Variants in CENPF observed in about 807,000 individuals in gnomAD.
CENPF encodes AH antigen.
Under a neutral mutation model 307.3 loss-of-function variants are expected in CENPF, and 214 were observed. The observed-to-expected ratio is 0.70, with a 90% confidence interval of 0.62 to 0.78. The LOEUF (loss-of-function observed/expected upper bound fraction) is 0.78. Ranked by LOEUF, CENPF falls within the 30% of genes least tolerant of loss-of-function variation. The pLI, the probability that CENPF is intolerant of heterozygous loss-of-function variation, is 0.00. For missense variants in CENPF, 3,401 were observed against 3,483.9 expected, an observed-to-expected ratio of 0.98 and a Z score of 0.60; for synonymous variants, 1,259 against 1,270.6, an observed-to-expected ratio of 0.99 and a Z score of 0.19.
chr1:214,608,894 C>A (rs1222525441), intron 1 of CENPF: 5 of 1,398,404 alleles, frequency 3.6e-6, no homozygotes, highest in Non-Finnish European at 4.6e-6. Context: ...ACAACGCCGC[C>A]CGGCCTGGCC....
chr1:214,636,169 T>C (rs532393283), intron 10 of CENPF, among the ~76,000 whole-genome samples: 1 of 152,288 alleles, frequency 6.6e-6, no homozygotes, highest in Admixed American at 6.5e-5. Context: ...TAATGCTACA[T>C]TGCCCCTGTC....
At chr1:214,604,467 C>T (rs185911450) in intron 1 of CENPF, among the ~76,000 whole-genome samples, 1 of 152,176 alleles carries the variant, frequency 6.6e-6, no homozygotes, top group African/African-American at 2.4e-5. Context: ...AAAATCTGCT[C>T]TAATCACAGT....
At chr1:214,653,667 A>G (rs989817034) in intron 16 of CENPF, 2 of 153,088 alleles carry the variant, frequency 1.3e-5, no homozygotes, top group African/African-American at 4.8e-5. Flanking sequence ...TTAGAAGACG[A>G]TTATATTTTT....
At position 214,605,759 on chromosome 1, in the gene CENPF, C is replaced by T; in HGVS notation, c.-42+2438C>T. 4 of 1,594,196 alleles carry T rather than the reference C, an allele frequency of 2.5e-6. No homozygotes were observed. In the South Asian group the frequency reaches 4.4e-5, roughly 18 times the overall value. On this transcript the variant is annotated intron_variant, in intron 1 of 19. Transcript: ENST00000366955. ...GCTGTAGAGCTCGATGTCGTTGTGC[C>T]TGGTGCCCTCCACCCACAGCGGCTC...
chr1:214,623,744 C>T (rs979526266), intron 7 of CENPF, among the ~76,000 whole-genome samples: 2 of 152,008 alleles, frequency 1.3e-5, no homozygotes, highest in African/African-American at 4.8e-5. Flanking sequence ...AATCTCCAGA[C>T]CTGGGGCTGG....
chr1:214,635,728 A>G (rs1264710605), intron 10 of CENPF, among the ~76,000 whole-genome samples: 1 of 152,194 alleles, frequency 6.6e-6, no homozygotes, highest in Non-Finnish European at 1.5e-5. Flanking sequence ...AGACACAAAT[A>G]TTTACGGAGC....
chr1:214,647,341 A>G lies in CENPF; in HGVS notation c.7771A>G (p.Lys2591Glu), dbSNP rs775339410. ...DTLEVLQSSY[K>E]NLENELELTK... Reference sequence around the variant, plus strand: ...ATTAGAAGTGCTGCAGAGTTCTTACAAGAATCTAGAGAATGAGCTTGAATT... The same window carrying G: ...ATTAGAAGTGCTGCAGAGTTCTTACGAGAATCTAGAGAATGAGCTTGAATT... The change falls in exon 13 of 20, where the codon AAG becomes GAG. Residue 2591 changes from lysine to glutamate, a missense_variant. Coordinates refer to ENST00000366955, the MANE Select transcript of CENPF (RefSeq NM_016343.4). The G allele has an allele frequency of 1.2e-6, 2 of 1,613,524 alleles. No homozygotes were observed. The highest frequency in any genetic ancestry group is 1.3e-5 in the African/African-American group (1 of 75,032).
In CENPF at chr1:214,646,145, A is replaced by G. The variant is rs1658293241; in HGVS notation, c.6575A>G (p.Glu2192Gly). The G allele has an allele frequency of 6.2e-7, 1 of 1,614,026 alleles. No individual in the cohort carries two copies. The highest frequency in any genetic ancestry group is 8.5e-7 in the Non-Finnish European group (1 of 1,180,008). Residue 2192 changes from glutamate (E) to glycine (G), a missense_variant, in exon 13 of 20, where the codon GAA becomes GGA. By Grantham distance (98) the Glu-to-Gly change is moderately conservative. Transcript: ENST00000366955. ...AEVETLKTQI[E>G]EMARSLKVFE... ...GTAGAGACTCTAAAAACACAAATAG[A>G]AGAGATGGCCAGAAGCCTGAAAGTT...
intron 9 of CENPF, 83 bp downstream of exon 9, chr1:214,630,745 T>G: frequency 6.6e-7 from 1 of 1,511,638 alleles, no homozygotes; most frequent in Non-Finnish European, 8.9e-7. Context: ...AACTGACATA[T>G]GATACTTTCA....
At position 214,644,881 on chromosome 1, in the gene CENPF, A is replaced by C. The variant is rs762564254; in HGVS notation, c.5311A>C (p.Asn1771His). The C allele has an allele frequency of 1.3e-5, 21 of 1,613,996 alleles. No homozygotes were observed. The South Asian group carries it at 2.1e-4, about 16-fold the overall frequency. ...DFLGNQEDIH[N>H]LQLRVKETSN... ...CCTGGGGAATCAGGAAGATATCCAT[A>C]ATCTTCAACTGCGGGTAAAAGAGAC... Residue 1771 changes from asparagine to histidine, a missense_variant, in exon 13 of 20, where the codon AAT (asparagine) becomes CAT (histidine). Physicochemically the swap from Asn to His is moderately conservative, Grantham distance 68. Transcript: ENST00000366955.
chr1:214,645,893 G>A lies in CENPF; in HGVS notation c.6323G>A (p.Ser2108Asn), dbSNP rs1360683566. Residue 2108 changes from serine to asparagine, a missense_variant, in exon 13 of 20, where the codon AGC (serine) becomes AAC (asparagine). Coordinates refer to ENST00000366955, the MANE Select transcript of CENPF (RefSeq NM_016343.4). ...AAAGGTGAGTTCGCATTGAGGCTGA[G>A]CTCAACACAGGAGGAAGTGCATCAG... Reference protein sequence around the residue: ...VEKGEFALRLSSTQEEVHQLR... With the variant: ...VEKGEFALRLNSTQEEVHQLR... 1.9e-6 allele frequency: 3 copies of A among 1,614,138 alleles called. No individual in the cohort carries two copies. In the South Asian group the frequency reaches 3.3e-5, roughly 18 times the overall value.
chr1:214,630,589 T>G lies in CENPF; in HGVS notation c.1250T>G (p.Met417Arg). The G allele has an allele frequency of 6.2e-7, 1 of 1,614,158 alleles. No individual in the cohort carries two copies. The highest frequency in any genetic ancestry group is 8.5e-7 in the Non-Finnish European group (1 of 1,180,012). The change falls in exon 9 of 20, where the codon ATG becomes AGG. Residue 417 changes from methionine (M) to arginine (R), a missense_variant. Physicochemically the swap from Met to Arg is moderately conservative, Grantham distance 91 (BLOSUM62 -1). Coordinates refer to ENST00000366955, the MANE Select transcript of CENPF (RefSeq NM_016343.4). ...FQTLDQECIQMKARLTQELQQ... is the reference protein window; with the variant it reads ...FQTLDQECIQRKARLTQELQQ... ...ACACTGGACCAGGAGTGCATCCAGATGAAGGCCAGACTCACCCAGGAGTTA... is the reference window on the plus strand; with the variant it reads ...ACACTGGACCAGGAGTGCATCCAGAGGAAGGCCAGACTCACCCAGGAGTTA...
rs1215853564 is a variant in CENPF, at chr1:214,646,639, C to T, written c.7069C>T (p.Leu2357Phe). Residue 2357 changes from leucine to phenylalanine, a missense_variant, in exon 13 of 20, where the codon CTT becomes TTT. Physicochemically the swap from Leu to Phe is conservative, Grantham distance 22. Coordinates refer to ENST00000366955, the MANE Select transcript of CENPF (RefSeq NM_016343.4). Reference sequence around the variant, plus strand: ...CAGGACAAACCAAGAGCATGCAGCTCTTGAGGCAGAGAATTCCAAAGGAGA... The same window carrying T: ...CAGGACAAACCAAGAGCATGCAGCTTTTGAGGCAGAGAATTCCAAAGGAGA... The part of the protein sequence containing the change: ...IARTNQEHAA[L>F]EAENSKGEVE... 1 of 1,613,908 alleles carries T rather than the reference C, an allele frequency of 6.2e-7. No individual in the cohort carries two copies. Among genetic ancestry groups the T allele is most frequent in the Admixed American group, 1.7e-5 (1 of 59,998 alleles).
chr1:214,630,028 T>C (rs1657761622), intron 8 of CENPF, among the ~76,000 whole-genome samples: 1 of 152,202 alleles, frequency 6.6e-6, no homozygotes, highest in South Asian at 2.1e-4. Flanking sequence ...TAAGAGTCTA[T>C]AGATTTTAAA....
Position 214,640,713 on chromosome 1 carries a change from C to T in CENPF, c.2375C>T (p.Ala792Val), listed in dbSNP as rs1658086832. The T allele has an allele frequency of 1.9e-6, 3 of 1,613,918 alleles. No individual in the cohort carries two copies. The highest frequency in any genetic ancestry group is 1.7e-5 in the Admixed American group (1 of 59,970). ...CTTTTGGCTTTTGATCAGCAGCCTG[C>T]CATGCATCATTCCTTTGCAAATATA... ...RSLLAFDQQPAMHHSFANIIG... is the reference protein window; with the variant it reads ...RSLLAFDQQPVMHHSFANIIG... Residue 792 changes from alanine (A) to valine (V), a missense_variant, in exon 12 of 20, where the codon GCC becomes GTC. Coordinates refer to ENST00000366955, the MANE Select transcript of CENPF (RefSeq NM_016343.4).
intron 1 of CENPF, chr1:214,605,543 C>T: frequency 3.1e-6 from 2 of 643,608 alleles, no homozygotes; most frequent in Non-Finnish European, 5.3e-6. Context: ...GCCTGTACAT[C>T]GTCCACAGCC....
At chr1:214,648,502 A>AC (rs765363237) in intron 13 of CENPF, 173 bp from the exon 14 acceptor site, 14 of 769,336 alleles carry the variant, frequency 1.8e-5, no homozygotes, top group Middle Eastern at 4.5e-4. Context: ...AGGTAAGCTT[A>AC]CTAGTAGGTT....
rs962888368 is a variant in CENPF at position 214,639,988 on chromosome 1, C to T, written c.1650C>T (p.Ser550=). ...LQEKINQQEN[S]LTLEKLKLAV... is the part of the protein sequence containing the mutation. ...AAAAAATAAATCAGCAAGAAAACTC[C>T]TTGACTTTAGAAAAACTGAAGCTTG... Residue 550 remains serine, a synonymous_variant, in exon 12 of 20, where the codon TCC becomes TCT. Transcript: ENST00000366955. 3 of 1,587,250 alleles carry T rather than the reference C, an allele frequency of 1.9e-6. No individual in the cohort carries two copies. The highest frequency in any genetic ancestry group is 2.6e-6 in the Non-Finnish European group (3 of 1,173,148).
rs1446996105 is a variant in CENPF, at chr1:214,614,851, A to C, written c.182A>C (p.Glu61Ala). 6.3e-7 allele frequency: 1 copy of C among 1,579,300 alleles called. No homozygotes were observed. Among genetic ancestry groups the C allele is most frequent in the Admixed American group, 1.9e-5 (1 of 51,294 alleles). The change falls in exon 3 of 20, where the codon GAG becomes GCG. Residue 61 changes from glutamate (E) to alanine (A), a missense_variant. Glu to Ala is a moderately radical substitution (Grantham distance 107, BLOSUM62 -1). Coordinates refer to ENST00000366955, the MANE Select transcript of CENPF (RefSeq NM_016343.4). ...QKQKVENEKTEGTNLKRENQR... is the reference protein window; with the variant it reads ...QKQKVENEKTAGTNLKRENQR... The stretch of plus-strand genomic sequence containing the variant: ...CATTAGGTTGAAAATGAAAAAACCG[A>C]GGGTACAAACCTGAAAAGGGAGAAT...
Sources: gnomAD v4.1 joint callset for allele counts (sites outside exome capture counted in the v4.1 genomes callset) on GRCh38, gnomAD v4.1.1 for gene constraint, MANE v1.5 for transcripts, NCBI Gene and HGNC (gene_info 2026-07-23, HGNC 2026-07-21) for gene names.